SLC35F6: variants seen among roughly 807,000 people sequenced by gnomAD.
SLC35F6 encodes the protein ANT2-binding protein.
Under a neutral mutation model 29.4 loss-of-function variants are expected in SLC35F6, and 26 were observed. The observed-to-expected ratio is 0.89, with a 90% CI of 0.65 to 1.23. The LOEUF is 1.23. SLC35F6 is among the 50% of genes most tolerant of loss of function. The probability of loss-of-function intolerance (pLI) is 0.00; values close to 1 mark genes in which losing one functional copy is unlikely to be tolerated. For synonymous variants in SLC35F6, 174 were observed against 206.6 expected, an observed-to-expected ratio of 0.84 and a Z score of 1.35; for missense variants, 428 against 487.8, an observed-to-expected ratio of 0.88 and a Z score of 1.15.
intron 1 of SLC35F6, 29 bp from the exon 2 acceptor site, chr2:26,774,222 G>C: frequency 6.2e-7 from 1 of 1,613,548 alleles, no homozygotes; most frequent in South Asian, 1.1e-5. Flanking sequence ...GATGCTGACA[G>C]GGTCTGACCT....
rs980233933 is a variant in SLC35F6, at chr2:26,780,315, G to C, written c.*1804G>C. Reference sequence around the variant, plus strand: ...GTCTCCTACCCTCAGCTCCTGCAAGGACCTGGGGGACCCCCAGGTCCAGCA... The same window carrying C: ...GTCTCCTACCCTCAGCTCCTGCAAGCACCTGGGGGACCCCCAGGTCCAGCA... On this transcript the variant is annotated 3_prime_UTR_variant, in exon 6 of 6. Transcript: ENST00000344420. 6.6e-6 allele frequency: 1 copy of C among 151,882 alleles called. No homozygotes were observed. Among genetic ancestry groups the C allele is most frequent in the Non-Finnish European group, 1.5e-5 (1 of 67,952 alleles). The allele number at this position is 151,882 out of a possible 1,614,324, so 9.4% of individuals were successfully genotyped here.
chr2:26,774,919 C>T, intron 2 of SLC35F6, 125 bp from the exon 3 acceptor site: 1 of 1,173,346 alleles, frequency 8.5e-7, no homozygotes, highest in Non-Finnish European at 1.2e-6. Context: ...CTGCATTTGT[C>T]TATTTTACAT....
intron 1 of SLC35F6, among the ~76,000 whole-genome samples, chr2:26,769,070 AAAG>A (rs1664144404): frequency 1.3e-5 from 2 of 152,124 alleles, no homozygotes; most frequent in Admixed American, 6.5e-5. Flanking sequence ...CAGGCAGGAG[AAAG>A]AAGGGGACTC....
intron 1 of SLC35F6, among the ~76,000 whole-genome samples, chr2:26,772,752 A>G (rs939376180): frequency 6.6e-6 from 1 of 152,208 alleles, no homozygotes; most frequent in Admixed American, 6.5e-5. Context: ...AGGGCTTTCA[A>G]ATGAAAGATT....
intron 1 of SLC35F6, among the ~76,000 whole-genome samples, chr2:26,770,713 G>A (rs996385730): frequency 6.6e-6 from 1 of 150,730 alleles, no homozygotes. Flanking sequence ...GGGAGGCTCC[G>A]TTTCAAAAAA....
intron 1 of SLC35F6, among the ~76,000 whole-genome samples, chr2:26,765,422 G>T (rs1664080204): frequency 6.6e-6 from 1 of 152,224 alleles, no homozygotes; most frequent in Admixed American, 6.5e-5. Context: ...TCTGTTGTGG[G>T]CAGGATGGCA....
chr2:26,775,036 C>A lies in SLC35F6; in HGVS notation c.151-8C>A. On this transcript the variant is annotated splice_region_variant and splice_polypyrimidine_tract_variant and intron_variant, in intron 2 of 5. Transcript: ENST00000344420. The surrounding 1 kb of genome is among the most constrained non-coding windows in gnomAD (Gnocchi z 4.6). ...AGCTCTGAAGTCCTCGGGTTTTCAT[C>A]CCTGCAGGCAGTGGGCATGTTCCTG... 6.2e-7 allele frequency: 1 copy of A among 1,610,546 alleles called. No individual in the cohort carries two copies. Among genetic ancestry groups the A allele is most frequent in the Non-Finnish European group, 8.5e-7 (1 of 1,177,972 alleles).
intron 1 of SLC35F6, among the ~76,000 whole-genome samples, chr2:26,769,559 C>T (rs1373125688): frequency 9.2e-5 from 14 of 152,244 alleles, no homozygotes; most frequent in Non-Finnish European, 1.8e-4. Context: ...GAGCCGTGAG[C>T]CCCTCGAGCC....
Position 26,778,740 on chromosome 2 carries a change from G to A in SLC35F6, c.*229G>A. The A allele has an allele frequency of 1.8e-6, 1 of 542,294 alleles. No homozygotes were observed. Among genetic ancestry groups the A allele is most frequent in the Non-Finnish European group, 3.3e-6 (1 of 306,400 alleles). 33.6% of individuals were successfully genotyped at this position (542,294 alleles called of 1,614,324 possible). On this transcript the variant is annotated 3_prime_UTR_variant, in exon 6 of 6. Transcript: ENST00000344420. ...AGCCCCCACAAGCCTGAGTGCAGTG[G>A]CAGACCTCAGCTCTCTGGACCCCTC...
Position 26,778,123 on chromosome 2 carries a change from G to C in SLC35F6, c.728G>C (p.Arg243Pro), listed in dbSNP as rs200993409. 1 of 1,614,176 alleles carries C rather than the reference G, an allele frequency of 6.2e-7. No individual in the cohort carries two copies. Among genetic ancestry groups the C allele is most frequent in the Non-Finnish European group, 8.5e-7 (1 of 1,180,028 alleles). The stretch of plus-strand genomic sequence containing the variant: ...GCCGGCTCCTTCAGCGGAAACCCTC[G>C]TGGGACACTGGAGGATGCATTGGAC... ...IPAGSFSGNP[R>P]GTLEDALDAF... Residue 243 changes from arginine to proline, a missense_variant, in exon 6 of 6, where the codon CGT becomes CCT. Physicochemically the swap from Arg to Pro is moderately radical, Grantham distance 103. Transcript: ENST00000344420.
intron 1 of SLC35F6, among the ~76,000 whole-genome samples, chr2:26,769,838 A>C (rs1664162681): frequency 6.6e-6 from 1 of 152,192 alleles, no homozygotes; most frequent in South Asian, 2.1e-4. Context: ...AGTTTTGCTG[A>C]ATACCTGCCA....
intron 1 of SLC35F6, chr2:26,764,995 C>T (rs1664071672): frequency 1.0e-6 from 1 of 985,404 alleles, no homozygotes; most frequent in Non-Finnish European, 1.2e-6. Context: ...CATCAAATGC[C>T]CAGGTTAGAT....
chr2:26,776,299 G>T (rs917484442), intron 4 of SLC35F6, 73 bp from the exon 5 acceptor site: 1 of 1,395,942 alleles, frequency 7.2e-7, no homozygotes, highest in African/African-American at 1.4e-5. Context: ...ATGTTTGGTC[G>T]CTGTGGCCAT....
chr2:26,769,612 G>T (rs953449186), intron 1 of SLC35F6, among the ~76,000 whole-genome samples: 4 of 152,236 alleles, frequency 2.6e-5, no homozygotes, highest in African/African-American at 9.6e-5. Context: ...AAGGAGTTCA[G>T]CTGATGGCTG....
chr2:26,778,269 C>T lies in SLC35F6; in HGVS notation c.874C>T (p.Arg292Cys), dbSNP rs764426025. The part of the protein sequence containing the change: ...SVTKELSATT[R>C]MVLDSLRTVV... ...CACCAAGGAACTGAGCGCCACCACC[C>T]GCATGGTGTTGGACAGCTTGCGCAC... The change falls in exon 6 of 6, where the codon CGC becomes TGC. Residue 292 changes from arginine to cysteine, a missense_variant. By Grantham distance (180) the Arg-to-Cys change is radical. Coordinates refer to ENST00000344420, the MANE Select transcript of SLC35F6 (RefSeq NM_017877.4). 6 of 1,614,080 alleles carry T rather than the reference C, an allele frequency of 3.7e-6. No homozygotes were observed. In the African/African-American group the frequency reaches 4.0e-5, roughly 11 times the overall value.
rs191484074 is a variant in SLC35F6 at position 26,772,918 on chromosome 2, G to A, written c.78-1333G>A. 2.1e-4 allele frequency among the ~76,000 whole-genome samples: 32 copies of A among 152,266 alleles called. 1 individual carries two copies. The highest frequency in any genetic ancestry group is 1.8e-3 in the Admixed American group (28 of 15,288). Reference sequence around the variant, plus strand: ...TTCTGGGCTTGTGTCTAGGCTCATCGGGGAAGTATGTCATAATCAGTCATC... The same window carrying A: ...TTCTGGGCTTGTGTCTAGGCTCATCAGGGAAGTATGTCATAATCAGTCATC... On this transcript the variant is annotated intron_variant, in intron 1 of 5. Transcript: ENST00000344420.
At chr2:26,765,624 A>C (rs1199190057) in intron 1 of SLC35F6, among the ~76,000 whole-genome samples, 1 of 152,214 alleles carries the variant, frequency 6.6e-6, no homozygotes, top group Admixed American at 6.5e-5. Context: ...GAGGAGACAG[A>C]CGTGTACGCA....
chr2:26,778,836 A>C lies in SLC35F6; in HGVS notation c.*325A>C. On this transcript the variant is annotated 3_prime_UTR_variant, in exon 6 of 6. Transcript: ENST00000344420. Reference sequence around the variant, plus strand: ...CCACCGTAGTGTATCTGAATCATAAACTAGATTATCATAGTTATCTAGTTT... The same window carrying C: ...CCACCGTAGTGTATCTGAATCATAACCTAGATTATCATAGTTATCTAGTTT... The C allele has an allele frequency of 6.1e-6, 2 of 326,630 alleles. No homozygotes were observed. Among genetic ancestry groups the C allele is most frequent in the African/African-American group, 2.1e-5 (1 of 47,858 alleles). 20.2% of individuals were successfully genotyped at this position (326,630 alleles called of 1,614,324 possible).
chr2:26,768,005 C>T (rs1374654347), intron 1 of SLC35F6, among the ~76,000 whole-genome samples: 1 of 152,220 alleles, frequency 6.6e-6, no homozygotes, highest in Non-Finnish European at 1.5e-5. Flanking sequence ...GGGACCCTGC[C>T]AAGAAGGTGG....
Sources: allele counts gnomAD v4.1 joint callset (sites outside exome capture counted in the v4.1 genomes callset), GRCh38; gene constraint gnomAD v4.1.1; non-coding constraint Gnocchi (gnomAD v3.1); transcripts MANE v1.5; gene names NCBI Gene and HGNC (gene_info 2026-07-23, HGNC 2026-07-21).